Variants in ZNF423 observed in about 807,000 individuals in gnomAD.
The protein encoded by ZNF423 is Ebf-associated zinc finger protein.
In ZNF423, 12 loss-of-function variants were observed where a neutral mutation model predicts 95.8. That is an observed-to-expected ratio of 0.13 (90% confidence interval 0.08 to 0.20). The LOEUF is 0.20. ZNF423 is among the 10% of genes least tolerant of loss of function. ZNF423 has a pLI of 1.00. For synonymous variants in ZNF423, 749 were observed against 711.9 expected, an observed-to-expected ratio of 1.05 and a Z score of -0.83; for missense variants, 1,316 against 1,737.1, an observed-to-expected ratio of 0.76 and a Z score of 4.31.
At chr16:49,834,986 T>C (rs1349296341) in intron 1 of ZNF423, among the ~76,000 whole-genome samples, 1 of 151,414 alleles carries the variant, frequency 6.6e-6, no homozygotes, top group Non-Finnish European at 1.5e-5. Flanking sequence ...GCAGTGCGCC[T>C]TGGGGGGCCA....
chr16:49,755,726 A>C (rs1385017508), intron 2 of ZNF423, among the ~76,000 whole-genome samples: 2 of 151,650 alleles, frequency 1.3e-5, no homozygotes, highest in African/African-American at 4.8e-5. Context: ...TGGTTAAAAA[A>C]TAATAATAAT....
chr16:49,782,943 G>C (rs531372140), intron 2 of ZNF423, among the ~76,000 whole-genome samples: 1 of 145,972 alleles, frequency 6.9e-6, no homozygotes, highest in African/African-American at 2.6e-5. Context: ...GGGCAACATA[G>C]CAAGGCCCTG....
chr16:49,694,530 G>C (rs552070395), intron 3 of ZNF423, among the ~76,000 whole-genome samples: 2 of 152,352 alleles, frequency 1.3e-5, no homozygotes, highest in South Asian at 4.1e-4. Flanking sequence ...TGCAAGCAGG[G>C]ATTGGAAATC....
At chr16:49,503,930 G>A (rs1308278094) in intron 7 of ZNF423, among the ~76,000 whole-genome samples, 3 of 152,168 alleles carry the variant, frequency 2.0e-5, no homozygotes, top group African/African-American at 4.8e-5. Context: ...CCCTTGCCCC[G>A]GCCATGCCCA....
chr16:49,803,334 C>T (rs1285030353), intron 1 of ZNF423, among the ~76,000 whole-genome samples: 1 of 152,110 alleles, frequency 6.6e-6, no homozygotes, highest in African/African-American at 2.4e-5. Context: ...ACAGGAGGCT[C>T]CAAATAACCA....
chr16:49,782,526 A>G (rs779759993), intron 2 of ZNF423, among the ~76,000 whole-genome samples: 1 of 152,264 alleles, frequency 6.6e-6, no homozygotes, highest in Non-Finnish European at 1.5e-5. Context: ...CTGCGGGTCC[A>G]TCACGGTCAA....
intron 3 of ZNF423, among the ~76,000 whole-genome samples, chr16:49,710,873 A>G (rs2032521674): frequency 6.6e-6 from 1 of 152,156 alleles, no homozygotes; most frequent in Admixed American, 6.5e-5. Context: ...TCAGCACCAG[A>G]CAACACCTGT....
intron 1 of ZNF423, among the ~76,000 whole-genome samples, chr16:49,798,623 A>C (rs567367375): frequency 1.4e-4 from 21 of 152,350 alleles, no homozygotes; most frequent in Non-Finnish European, 2.9e-4. Flanking sequence ...TTTTTTAAAA[A>C]AATTAAAGCA....
intron 1 of ZNF423, among the ~76,000 whole-genome samples, chr16:49,819,113 C>T (rs1017835404): frequency 2.6e-5 from 4 of 151,382 alleles, no homozygotes; most frequent in Middle Eastern, 3.4e-3. Context: ...ATTAGCCGGG[C>T]GTGGTAGTGG....
rs1453662803 is a variant in ZNF423 at position 49,603,954 on chromosome 16, A to G, written c.3601+22216T>C. On this transcript the variant is annotated intron_variant, in intron 5 of 7. Coordinates refer to ENST00000563137, the MANE Select transcript of ZNF423 (RefSeq NM_001379286.1). This position sits in a 1 kb window ranked among gnomAD's most constrained non-coding sequence, Gnocchi z 4.1. ...GGACAGGCAAGGGCACAAGGATGCC[A>G]GAAATCTCCAAAGCCAAGCCCTGAT... 6.6e-6 allele frequency among the ~76,000 whole-genome samples: 1 copy of G among 152,230 alleles called. No individual in the cohort carries two copies. Among genetic ancestry groups the G allele is most frequent in the East Asian group, 1.9e-4 (1 of 5,198 alleles).
chr16:49,657,575 C>T (rs1309836820), intron 3 of ZNF423, among the ~76,000 whole-genome samples: 1 of 152,356 alleles, frequency 6.6e-6, no homozygotes, highest in East Asian at 1.9e-4. Context: ...CAACCTTCAC[C>T]TAAAAGGGCC....
In ZNF423 at chr16:49,682,093, C is replaced by G. The variant is rs182170863; in HGVS notation, c.302-43219G>C. 3.6e-3 allele frequency among the ~76,000 whole-genome samples: 542 copies of G among 152,074 alleles called. 4 individuals are homozygous for G. Among genetic ancestry groups the G allele is most frequent in the Non-Finnish European group, 3.2e-3 (215 of 67,978 alleles). ...CCCCCAGTCTCCTGTTCCTCCTCCCCTTCCCCTTCGGAAGCCAGCTCTCAC... is the reference window on the plus strand; with the variant it reads ...CCCCCAGTCTCCTGTTCCTCCTCCCGTTCCCCTTCGGAAGCCAGCTCTCAC... On this transcript the variant is annotated intron_variant, in intron 3 of 7. Coordinates refer to ENST00000563137, the MANE Select transcript of ZNF423 (RefSeq NM_001379286.1).
At chr16:49,677,312 G>GGGAAGGGAA (rs2031135475) in intron 3 of ZNF423, among the ~76,000 whole-genome samples, 1 of 19,636 alleles carries the variant, frequency 5.1e-5, no homozygotes, top group Non-Finnish European at 1.1e-4. Flanking sequence ...AGAAGAGAAA[G>GGGAAGGGAA]GAGGGGAAGG....
intron 3 of ZNF423, among the ~76,000 whole-genome samples, chr16:49,662,421 CA>C (rs2030287232): frequency 6.6e-6 from 1 of 152,188 alleles, no homozygotes; most frequent in Admixed American, 6.5e-5. Context: ...GAAGGACAAA[CA>C]GCGAGTCACC....
At chr16:49,697,770 T>C (rs2032027652) in intron 3 of ZNF423, among the ~76,000 whole-genome samples, 1 of 152,228 alleles carries the variant, frequency 6.6e-6, no homozygotes, top group Non-Finnish European at 1.5e-5. Context: ...CGTGTGCACG[T>C]TGTCAGTGAC....
chr16:49,838,106 C>G (rs1308819095), intron 1 of ZNF423, among the ~76,000 whole-genome samples: 1 of 152,238 alleles, frequency 6.6e-6, no homozygotes, highest in African/African-American at 2.4e-5. Context: ...GAATTTTAAG[C>G]GGCAAACCCA....
At chr16:49,555,196 G>A (rs895067882) in intron 5 of ZNF423, among the ~76,000 whole-genome samples, 2 of 152,152 alleles carry the variant, frequency 1.3e-5, no homozygotes, top group African/African-American at 4.8e-5. Flanking sequence ...ATTCCTTAAT[G>A]ATCCTTAATG....
intron 1 of ZNF423, among the ~76,000 whole-genome samples, chr16:49,807,805 G>T (rs956499896): frequency 2.6e-5 from 4 of 152,158 alleles, no homozygotes; most frequent in African/African-American, 9.7e-5. Context: ...CCATCCCAGG[G>T]GCCGTGACAG....
chr16:49,838,711 G>A (rs987571523), intron 1 of ZNF423, among the ~76,000 whole-genome samples: 2 of 151,826 alleles, frequency 1.3e-5, no homozygotes, highest in African/African-American at 4.8e-5. Flanking sequence ...GCGGGCGGCC[G>A]GGGGGCGGCC....
Sources: gnomAD v4.1 joint callset for allele counts (sites outside exome capture counted in the v4.1 genomes callset) on GRCh38, gnomAD v4.1.1 for gene constraint, Gnocchi (gnomAD v3.1) non-coding constraint, MANE v1.5 for transcripts, NCBI Gene and HGNC (gene_info 2026-07-23, HGNC 2026-07-21) for gene names.